Variants in CCL24 observed in about 807,000 individuals in gnomAD.
The protein encoded by CCL24 is C-C motif chemokine ligand 24.
A neutral mutation model predicts 8.6 loss-of-function variants in CCL24; 6 were observed. The ratio of observed to expected loss-of-function variants is 0.70; its 90% CI spans 0.38 to 1.38. The LOEUF is 1.38. CCL24 is among the 40% of genes most tolerant of loss of function. The pLI is 0.02. For missense variants in CCL24, 126 were observed against 147.1 expected (o/e 0.86, Z 0.74); for synonymous variants, 59 against 52.7 (o/e 1.12, Z -0.52).
intron 1 of CCL24, among the ~76,000 whole-genome samples, chr7:75,822,109 A>G (rs1271124662): frequency 1.3e-5 from 2 of 152,028 alleles, no homozygotes; most frequent in Non-Finnish European, 2.9e-5. Flanking sequence ...CTCAAAAAAA[A>G]AAGAAAAAAA....
chr7:75,817,506 ATT>A (rs35946971), upstream of CCL24, among the ~76,000 whole-genome samples: 2 of 143,658 alleles, frequency 1.4e-5, no homozygotes, highest in African/African-American at 2.6e-5. Context: ...AAAATATCCA[ATT>A]TTTTTTTTTT....
upstream of CCL24, among the ~76,000 whole-genome samples, chr7:75,817,838 T>C (rs73359714): frequency 0.13 from 19,350 of 150,794 alleles, 1,456 homozygotes; most frequent in Non-Finnish European, 0.17. Context: ...TGTTGTTGTT[T>C]GTTTTGTTTT....
At chr7:75,815,961 C>G (rs780618683), upstream of CCL24, among the ~76,000 whole-genome samples, 41 of 152,172 alleles carry the variant, frequency 2.7e-4, no homozygotes, top group Admixed American at 9.8e-4. Flanking sequence ...CCCTACGGTT[C>G]TCTCCATTTG....
intron 1 of CCL24, among the ~76,000 whole-genome samples, chr7:75,821,389 G>T (rs1208341874): frequency 6.6e-6 from 1 of 152,070 alleles, no homozygotes. Flanking sequence ...AGAGGTGGAG[G>T]AAGTTAGGAT....
upstream of CCL24, among the ~76,000 whole-genome samples, chr7:75,814,920 G>T (rs947406339): frequency 6.6e-6 from 1 of 151,902 alleles, no homozygotes; most frequent in East Asian, 2.0e-4. Context: ...CCAGTCCCCC[G>T]ATGGTCTCTC....
At position 75,820,106 on chromosome 7, in the gene CCL24, C is replaced by CTTCTTCTTCTTCTTCTTCTTCTTCTT. The variant is rs1554534861; in HGVS notation, c.-60+3215_-60+3216insAAGAAGAAGAAGAAGAAGAAGAAGAA. Among the ~76,000 whole-genome samples, 18 of 72,078 alleles carry CTTCTTCTTCTTCTTCTTCTTCTTCTT rather than the reference C, an allele frequency of 2.5e-4. No individual in the cohort carries two copies. The East Asian group carries it at 4.3e-3, about 17-fold the overall frequency. The allele number at this position is 72,078 out of a possible 152,430, so 47.3% of individuals were successfully genotyped here. A position where few individuals can be genotyped will look rare whatever the true frequency, so the allele number is the denominator to read the frequency against. On this transcript the variant is annotated intron_variant, in intron 1 of 3. Transcript: ENST00000416943. ...TCTTCTTCCTCTTCTTCTTCTTCTT[C>CTTCTTCTTCTTCTTCTTCTTCTTCTT]CTTCTTCTTCTTCTTCTTCTTCTTC...
upstream of CCL24, among the ~76,000 whole-genome samples, chr7:75,817,464 A>G (rs1554534292): frequency 6.6e-6 from 1 of 151,594 alleles, no homozygotes; most frequent in Non-Finnish European, 1.5e-5. Flanking sequence ...AGTAATACCC[A>G]TTAAGGGCTT....
chr7:75,814,319 GC>G (rs1297983725), upstream of CCL24, among the ~76,000 whole-genome samples: 2 of 152,114 alleles, frequency 1.3e-5, no homozygotes, highest in Non-Finnish European at 2.9e-5. Flanking sequence ...TAATCCCTGT[GC>G]TTTGGAAGTT....
upstream of CCL24, among the ~76,000 whole-genome samples, chr7:75,816,532 G>A (rs1298808602): frequency 6.6e-6 from 1 of 151,526 alleles, no homozygotes; most frequent in Non-Finnish European, 1.5e-5. Flanking sequence ...TATACATGCA[G>A]AGGTTTTTTT....
chr7:75,819,135 G>T (rs1015423298), intron 1 of CCL24, among the ~76,000 whole-genome samples: 1 of 147,940 alleles, frequency 6.8e-6, no homozygotes, highest in Non-Finnish European at 1.5e-5. Context: ...GGGCGTGGTG[G>T]CACATGACTG....
intron 2 of CCL24, 131 bp downstream of exon 2, chr7:75,813,175 A>C (rs563122109): frequency 2.2e-5 from 13 of 587,218 alleles, no homozygotes; most frequent in Non-Finnish European, 3.7e-5. Flanking sequence ...AAGGAAGTTG[A>C]GGACCAGAGA....
At chr7:75,817,893 T>C (rs528453121), upstream of CCL24, among the ~76,000 whole-genome samples, 10 of 151,902 alleles carry the variant, frequency 6.6e-5, no homozygotes, top group East Asian at 1.8e-3. Context: ...TGCAGTGGCA[T>C]GATCTTGGCT....
intron 1 of CCL24, 73 bp from the exon 2 acceptor site, chr7:75,813,496 T>C: frequency 1.5e-6 from 2 of 1,310,950 alleles, no homozygotes; most frequent in Non-Finnish European, 2.2e-6. Flanking sequence ...GAGCTGGAGC[T>C]TGAACCCTGC....
At chr7:75,815,795 C>G (rs751584419), upstream of CCL24, among the ~76,000 whole-genome samples, 2 of 152,118 alleles carry the variant, frequency 1.3e-5, no homozygotes, top group Non-Finnish European at 2.9e-5. Context: ...CTCTACAGCC[C>G]TTTGTAATTA....
chr7:75,823,015 G>A (rs1263779071), intron 1 of CCL24, among the ~76,000 whole-genome samples: 2 of 152,200 alleles, frequency 1.3e-5, no homozygotes, highest in Middle Eastern at 3.4e-3. Flanking sequence ...TTCACTTTCC[G>A]AGCTGCTCTC....
At chr7:75,823,091 T>A (rs891284551) in intron 1 of CCL24, among the ~76,000 whole-genome samples, 87 of 152,294 alleles carry the variant, frequency 5.7e-4, no homozygotes, top group African/African-American at 1.9e-3. Context: ...AATTCTTTCT[T>A]GCATTCTTGT....
At chr7:75,820,106 C>CCTTCTTCTTCTTCTTCTTCTTCTTCTT (rs71534425) in intron 1 of CCL24, among the ~76,000 whole-genome samples, 4 of 72,116 alleles carry the variant, frequency 5.5e-5, no homozygotes, top group Non-Finnish European at 5.9e-5. Context: ...TCTTCTTCTT[C>CCTTCTTCTTCTTCTTCTTCTTCTTCTT]CTTCTTCTTC....
At chr7:75,817,275 GTGTGGGGAGGAGGAAGT>G (rs1289554724), upstream of CCL24, among the ~76,000 whole-genome samples, 1 of 152,066 alleles carries the variant, frequency 6.6e-6, no homozygotes, top group African/African-American at 2.4e-5. Flanking sequence ...GGAGTGTGGT[GTGTGGGGAGGAGGAAGT>G]TGGGGGGAGA....
intron 1 of CCL24, among the ~76,000 whole-genome samples, chr7:75,820,022 CTT>C (rs879953468): frequency 0.032 from 2,754 of 84,900 alleles, 54 homozygotes; most frequent in Non-Finnish European, 0.04. Context: ...TAAACTACTT[CTT>C]CTTCTTCTTC....
Sources: allele counts gnomAD v4.1 joint callset (sites outside exome capture counted in the v4.1 genomes callset), GRCh38; gene constraint gnomAD v4.1.1; transcripts MANE v1.5; gene names NCBI Gene and HGNC (gene_info 2026-07-23, HGNC 2026-07-21).